Variants in KATNB1 observed in about 807,000 individuals in gnomAD.
KATNB1 encodes katanin regulatory subunit B1, also known as katanin p80 WD40 repeat-containing subunit B1.
KATNB1 carries 38 observed loss-of-function variants against 82.3 expected under a neutral mutation model. The ratio of observed to expected loss-of-function variants is 0.46; its 90% CI spans 0.36 to 0.61. The LOEUF (loss-of-function observed/expected upper bound fraction) is 0.61. Ranked by LOEUF, KATNB1 falls within the 20% of genes least tolerant of loss-of-function variation. The pLI is 0.00. For synonymous variants in KATNB1, 361 were observed against 368.7 expected (o/e 0.98, Z 0.24); for missense variants, 749 against 915.7 (o/e 0.82, Z 2.35).
chr16:57,756,935 A>G lies in KATNB1; in HGVS notation c.1957A>G (p.Ser653Gly), dbSNP rs1418790028. Residue 653 changes from serine (S) to glycine (G), a missense_variant, in exon 20 of 20, where the codon AGT becomes GGT. Coordinates refer to ENST00000379661, the MANE Select transcript of KATNB1 (RefSeq NM_005886.3). ...CCGCGAGCTGCACCTGCTCATGGCC[A>G]GTCTGGACTGAGGAAAGCAGTGGGC... The part of the protein sequence containing the change: ...TFRELHLLMA[S>G]LD The G allele has an allele frequency of 2.6e-6, 4 of 1,540,966 alleles. No individual in the cohort carries two copies. Among genetic ancestry groups the G allele is most frequent in the Non-Finnish European group, 3.5e-6 (4 of 1,140,698 alleles).
chr16:57,751,001 T>C lies in KATNB1; in HGVS notation c.390+74T>C, dbSNP rs781972571. The C allele has an allele frequency of 8.1e-7, 1 of 1,233,666 alleles. No individual in the cohort carries two copies. Among genetic ancestry groups the C allele is most frequent in the Non-Finnish European group, 1.2e-6 (1 of 836,924 alleles). The allele number at this position is 1,233,666 out of a possible 1,614,324, so 76.4% of individuals were successfully genotyped here. ...ACCAGCCCGGCCCGGCCCTCAGTGC[T>C]GGATGCCTGCTGAGGGGACCTCTTC... On this transcript the variant is annotated intron_variant, in intron 5 of 19. Coordinates refer to ENST00000379661, the MANE Select transcript of KATNB1 (RefSeq NM_005886.3). This position sits in a 1 kb window ranked among gnomAD's most constrained non-coding sequence, Gnocchi z 6.3.
In KATNB1 at chr16:57,757,101, C is replaced by G; in HGVS notation, c.*155C>G. 1 of 742,326 alleles carries G rather than the reference C, an allele frequency of 1.3e-6. No homozygotes were observed. The highest frequency in any genetic ancestry group is 2.0e-6 in the Non-Finnish European group (1 of 512,200). The allele number at this position is 742,326 out of a possible 1,614,324, so 46.0% of individuals were successfully genotyped here. A position where few individuals can be genotyped will look rare whatever the true frequency, so the allele number is the denominator to read the frequency against. The stretch of plus-strand genomic sequence containing the variant: ...GGAGGTGATGCTGGTCCCTGGCCAC[C>G]TCTACAGCCCTGAACTCTTGAGACA... On this transcript the variant is annotated 3_prime_UTR_variant, in exon 20 of 20. Coordinates refer to ENST00000379661, the MANE Select transcript of KATNB1 (RefSeq NM_005886.3).
rs782623281 is a variant in KATNB1, at chr16:57,755,131, C to A, written c.1309C>A (p.Pro437Thr). 6.8e-6 allele frequency: 11 copies of A among 1,612,796 alleles called. No homozygotes were observed. Among genetic ancestry groups the A allele is most frequent in the Non-Finnish European group, 9.3e-6 (11 of 1,179,872 alleles). ...QFPVPNLEVL[P>T]RPPVVASTPA... is the part of the protein sequence containing the mutation. ...TTCACACTTTCAGCTGGAGGTCCTG[C>A]CCCGGCCCCCAGTGGTTGCTTCCAC... The change falls in exon 15 of 20, where the codon CCC becomes ACC. Residue 437 changes from proline (P) to threonine (T), a missense_variant. Transcript: ENST00000379661.
chr16:57,747,769 C>T (rs57369729), intron 4 of KATNB1, among the ~76,000 whole-genome samples: 6,493 of 152,280 alleles, frequency 0.043, 273 homozygotes, highest in East Asian at 0.14. Flanking sequence ...CAGTATTCAC[C>T]GAAGAACAAG....
Position 57,753,277 on chromosome 16 carries a change from TG to T in KATNB1, c.1046+16del, listed in dbSNP as rs1555584278. 3.8e-6 allele frequency: 6 copies of T among 1,589,686 alleles called. 1 individual carries two copies. Among genetic ancestry groups the T allele is most frequent in the Middle Eastern group, 3.3e-4 (2 of 5,978 alleles). On this transcript the variant is annotated intron_variant, in intron 11 of 19. Transcript: ENST00000379661. ...GCAGCAAGCCTCAGAGGTGAGGGCC[TG>T]GGGGGCCTTCGGGGGCCCAGGAGAG...
chr16:57,755,472 T>C lies in KATNB1; in HGVS notation c.1544T>C (p.Val515Ala). The C allele has an allele frequency of 1.2e-6, 2 of 1,613,134 alleles. No homozygotes were observed. The highest frequency in any genetic ancestry group is 8.5e-7 in the Non-Finnish European group (1 of 1,179,828). The change falls in exon 16 of 20, where the codon GTG becomes GCG. Residue 515 changes from valine to alanine, a missense_variant. Physicochemically the swap from Val to Ala is moderately conservative, Grantham distance 64 (BLOSUM62 0). This residue lies in a region of KATNB1 where 407 missense variants were observed against 434.7 expected (regional missense o/e 0.94). Coordinates refer to ENST00000379661, the MANE Select transcript of KATNB1 (RefSeq NM_005886.3). Reference sequence around the variant, plus strand: ...AAGAACCTGGACACTGTGCGGGCTGTGTGGACCATGGGCGACATCAAGGCA... The same window carrying C: ...AAGAACCTGGACACTGTGCGGGCTGCGTGGACCATGGGCGACATCAAGGCA... ...RHKNLDTVRA[V>A]WTMGDIKTSV... is the part of the protein sequence containing the mutation.
chr16:57,753,225 G>A lies in KATNB1; in HGVS notation c.1004G>A (p.Arg335His), dbSNP rs782790122. 8.1e-6 allele frequency: 13 copies of A among 1,605,758 alleles called. No individual in the cohort carries two copies. In the Admixed American group the frequency reaches 1.2e-4, roughly 14 times the overall value. Reference sequence around the variant, plus strand: ...CCCAACCCCAGCGCCCCCCTCCGGCGCATCTATGAGCGGCCCAGCACAACC... The same window carrying A: ...CCCAACCCCAGCGCCCCCCTCCGGCACATCTATGAGCGGCCCAGCACAACC... Reference protein sequence around the residue: ...PLPNPSAPLRRIYERPSTTCS... With the variant: ...PLPNPSAPLRHIYERPSTTCS... The change falls in exon 11 of 20, where the codon CGC becomes CAC. Residue 335 changes from arginine to histidine, a missense_variant. Physicochemically the swap from Arg to His is conservative, Grantham distance 29 (BLOSUM62 0). Coordinates refer to ENST00000379661, the MANE Select transcript of KATNB1 (RefSeq NM_005886.3).
At chr16:57,753,890 G>A in intron 12 of KATNB1, 55 bp from the exon 13 acceptor site, 1 of 1,574,462 alleles carries the variant, frequency 6.4e-7, no homozygotes, top group Non-Finnish European at 8.7e-7. Context: ...AGGGCCCTGG[G>A]TCCCAGGTGG....
At chr16:57,742,896 AT>A (rs2049152986) in intron 3 of KATNB1, among the ~76,000 whole-genome samples, 1 of 152,242 alleles carries the variant, frequency 6.6e-6, no homozygotes, top group African/African-American at 2.4e-5. Flanking sequence ...ATCATTTTAC[AT>A]TCTCACCAGC....
chr16:57,740,611 C>T (rs1425710618), intron 2 of KATNB1, among the ~76,000 whole-genome samples: 7 of 152,218 alleles, frequency 4.6e-5, no homozygotes, highest in Non-Finnish European at 4.4e-5. Flanking sequence ...TCTTTTTTCT[C>T]CCTTCTTTCC....
intron 4 of KATNB1, among the ~76,000 whole-genome samples, chr16:57,744,718 G>GGTGTGT (rs58055231): frequency 2.2e-4 from 33 of 150,284 alleles, no homozygotes; most frequent in African/African-American, 7.1e-4. Context: ...GGGATGTGCG[G>GGTGTGT]GTGTGTGTGT....
chr16:57,748,087 G>A (rs562708694), intron 4 of KATNB1, among the ~76,000 whole-genome samples: 1 of 152,286 alleles, frequency 6.6e-6, no homozygotes, highest in South Asian at 2.1e-4. Context: ...GGCAAACAGA[G>A]GCCCAGGGAG....
rs186967830 is a variant in KATNB1, at chr16:57,749,556, C to T, written c.290-1271C>T. On this transcript the variant is annotated intron_variant, in intron 4 of 19. Transcript: ENST00000379661. Reference sequence around the variant, plus strand: ...CTACCTCACAAGGTGACCTATTGCACCTTGGCTCAAAACTAAGAATGGCTG... The same window carrying T: ...CTACCTCACAAGGTGACCTATTGCATCTTGGCTCAAAACTAAGAATGGCTG... Among the ~76,000 whole-genome samples, 93 of 152,314 alleles carry T rather than the reference C, an allele frequency of 6.1e-4. 1 individual carries two copies. The highest frequency in any genetic ancestry group is 2.3e-3 in the East Asian group (12 of 5,186).
intron 4 of KATNB1, among the ~76,000 whole-genome samples, chr16:57,746,731 C>T (rs1365380180): frequency 6.6e-6 from 1 of 152,064 alleles, no homozygotes; most frequent in Non-Finnish European, 1.5e-5. Flanking sequence ...GTGGTGCCAG[C>T]TCTACGGATT....
intron 2 of KATNB1, 35 bp from the exon 3 acceptor site, chr16:57,741,652 G>C: frequency 6.3e-7 from 1 of 1,594,178 alleles, no homozygotes; most frequent in Non-Finnish European, 8.6e-7. Context: ...CCATCGGGCC[G>C]CCCTGATGGC....
intron 18 of KATNB1, 97 bp from the exon 19 acceptor site, chr16:57,756,259 T>G: frequency 8.4e-7 from 1 of 1,193,930 alleles, no homozygotes; most frequent in South Asian, 1.3e-5. Flanking sequence ...GGTGTGTCTG[T>G]GTCTGTTTCT....
intron 4 of KATNB1, among the ~76,000 whole-genome samples, chr16:57,746,572 C>T (rs2049185649): frequency 6.6e-6 from 1 of 152,186 alleles, no homozygotes; most frequent in South Asian, 2.1e-4. Context: ...GGTGCCTTAG[C>T]AGGTGGTGCC....
At chr16:57,749,434 C>T (rs544314356) in intron 4 of KATNB1, among the ~76,000 whole-genome samples, 1 of 152,340 alleles carries the variant, frequency 6.6e-6, no homozygotes, top group African/African-American at 2.4e-5. Context: ...GAAGATCATA[C>T]AGTAGAGTTC....
At chr16:57,746,770 T>C (rs1037484860) in intron 4 of KATNB1, among the ~76,000 whole-genome samples, 9 of 152,256 alleles carry the variant, frequency 5.9e-5, no homozygotes, top group Admixed American at 1.3e-4. Context: ...ATCTGGAAAT[T>C]CATGTGGAAT....
Sources: allele counts gnomAD v4.1 joint callset (sites outside exome capture counted in the v4.1 genomes callset), GRCh38; gene constraint gnomAD v4.1.1; regional missense constraint gnomAD v4.1.1; non-coding constraint Gnocchi (gnomAD v3.1); transcripts MANE v1.5; gene names NCBI Gene and HGNC (gene_info 2026-07-23, HGNC 2026-07-21).